The following PPP1R9A variants were observed in gnomAD, a reference collection of about 807,000 sequenced individuals.
PPP1R9A encodes the protein neurabin-1.
Under a neutral mutation model 141.9 loss-of-function variants are expected in PPP1R9A, and 59 were observed. The ratio of observed to expected loss-of-function variants is 0.42; its 90% CI spans 0.34 to 0.52. PPP1R9A has a LOEUF of 0.52. PPP1R9A is among the 20% of genes least tolerant of loss of function. The pLI is 0.10. For synonymous variants in PPP1R9A, 500 were observed against 569.7 expected, an observed-to-expected ratio of 0.88 and a Z score of 1.74; for missense variants, 1,444 against 1,611.9, an observed-to-expected ratio of 0.90 and a Z score of 1.78.
At chr7:95,019,739 A>T (rs1266050241) in intron 2 of PPP1R9A, among the ~76,000 whole-genome samples, 1 of 152,088 alleles carries the variant, frequency 6.6e-6, no homozygotes, top group East Asian at 1.9e-4. Flanking sequence ...AAGCATGTGG[A>T]ACAACTGGAA....
chr7:95,044,901 C>G (rs1809785645), intron 2 of PPP1R9A, among the ~76,000 whole-genome samples: 1 of 151,362 alleles, frequency 6.6e-6, no homozygotes, highest in Non-Finnish European at 1.5e-5. Context: ...ATAGTTTGAC[C>G]CAGTTTTTGT....
intron 5 of PPP1R9A, among the ~76,000 whole-genome samples, chr7:95,162,786 A>G (rs1182275539): frequency 6.6e-6 from 1 of 152,250 alleles, no homozygotes. Flanking sequence ...AGGCAGTAAC[A>G]TTAGGATATT....
intron 1 of PPP1R9A, 66 bp from the exon 2 acceptor site, chr7:94,909,832 G>T: frequency 4.2e-6 from 1 of 238,862 alleles, no homozygotes; most frequent in Non-Finnish European, 8.1e-6. Context: ...AAAAATGTAT[G>T]TTATTTGACT....
chr7:95,158,930 G>A (rs1830040758), intron 4 of PPP1R9A, among the ~76,000 whole-genome samples: 1 of 152,126 alleles, frequency 6.6e-6, no homozygotes. Context: ...AGTACTTAAA[G>A]GATCTGAGCA....
intron 4 of PPP1R9A, among the ~76,000 whole-genome samples, 174 bp from the exon 5 acceptor site, chr7:95,161,693 T>C (rs1337233466): frequency 6.6e-6 from 1 of 152,196 alleles, no homozygotes; most frequent in Non-Finnish European, 1.5e-5. Flanking sequence ...AATCCACAAA[T>C]GTGGAACCCA....
At chr7:95,283,750 C>A (rs1304894769) in intron 16 of PPP1R9A, among the ~76,000 whole-genome samples, 1 of 152,132 alleles carries the variant, frequency 6.6e-6, no homozygotes, top group East Asian at 1.9e-4. Flanking sequence ...GATTATAATT[C>A]ATCTACGTAC....
intron 5 of PPP1R9A, among the ~76,000 whole-genome samples, chr7:95,177,993 A>G (rs1833152050): frequency 6.6e-6 from 1 of 152,170 alleles, no homozygotes; most frequent in Admixed American, 6.5e-5. Flanking sequence ...GAAAGTCAAC[A>G]AAGAAACAAT....
chr7:95,099,421 G>A (rs1207592182), intron 2 of PPP1R9A, among the ~76,000 whole-genome samples: 1 of 152,160 alleles, frequency 6.6e-6, no homozygotes, highest in Admixed American at 6.6e-5. Flanking sequence ...TGGCTGAACT[G>A]AAAGAGAACA....
chr7:94,940,824 CT>C (rs1380391126), intron 2 of PPP1R9A, among the ~76,000 whole-genome samples: 1 of 151,890 alleles, frequency 6.6e-6, no homozygotes, highest in African/African-American at 2.4e-5. Flanking sequence ...TAGGAAAAAT[CT>C]TTTGTAAATT....
At chr7:94,934,082 T>A (rs1212933863) in intron 2 of PPP1R9A, among the ~76,000 whole-genome samples, 8 of 152,190 alleles carry the variant, frequency 5.3e-5, no homozygotes, top group Non-Finnish European at 1.2e-4. Flanking sequence ...TAGTTCATAT[T>A]TAACAGATGA....
chr7:94,965,575 G>C (rs1300252374), intron 2 of PPP1R9A, among the ~76,000 whole-genome samples: 2 of 152,088 alleles, frequency 1.3e-5, no homozygotes, highest in Non-Finnish European at 2.9e-5. Flanking sequence ...ATTAAATAGG[G>C]AATCCATTAC....
chr7:95,045,553 C>T (rs988957523), intron 2 of PPP1R9A, among the ~76,000 whole-genome samples: 5 of 152,212 alleles, frequency 3.3e-5, no homozygotes, highest in African/African-American at 9.6e-5. Flanking sequence ...GCCATTTTGT[C>T]TCTTAATGCA....
chr7:95,284,304 TC>T lies in PPP1R9A; in HGVS notation c.3584del (p.Ser1195LeufsTer2), dbSNP rs776438816. 189 of 1,532,264 alleles carry T rather than the reference TC, an allele frequency of 1.2e-4. 4 individuals carry two copies. The South Asian group carries it at 1.7e-3, about 13-fold the overall frequency. The allele number at this position is 1,532,264 out of a possible 1,614,324, so 94.9% of individuals were successfully genotyped here. On this transcript the variant is annotated frameshift_variant, in exon 17 of 20. Coordinates refer to ENST00000433360, the MANE Select transcript of PPP1R9A (RefSeq NM_001166160.2). LOFTEE classifies it high-confidence loss of function. ...SIFGRHSQLM[S>X]VVWIQETNNF... ...CTTTGGAAGGCATTCTCAACTTATG[TC>T]TGTAGTCTGGATCCAAGAAACCAAT...
At chr7:94,976,012 A>G (rs1022340492) in intron 2 of PPP1R9A, among the ~76,000 whole-genome samples, 3 of 152,052 alleles carry the variant, frequency 2.0e-5, no homozygotes, top group African/African-American at 7.2e-5. Context: ...TTATGTCTCT[A>G]TATCAGGGAT....
intron 4 of PPP1R9A, among the ~76,000 whole-genome samples, chr7:95,137,748 A>G (rs894095172): frequency 6.6e-6 from 1 of 152,168 alleles, no homozygotes; most frequent in Non-Finnish European, 1.5e-5. Context: ...TGGAAATGCA[A>G]AGGACCAAGA....
At chr7:95,202,030 A>G (rs1403482834) in intron 6 of PPP1R9A, among the ~76,000 whole-genome samples, 1 of 152,214 alleles carries the variant, frequency 6.6e-6, no homozygotes, top group African/African-American at 2.4e-5. Context: ...GCTTGCTTGC[A>G]TTCACTACAT....
intron 2 of PPP1R9A, among the ~76,000 whole-genome samples, chr7:95,049,295 AT>A (rs1218020613): frequency 6.6e-6 from 1 of 152,170 alleles, no homozygotes; most frequent in Non-Finnish European, 1.5e-5. Context: ...AGAAAGGTCA[AT>A]TTTTACCTCC....
chr7:95,220,467 A>G (rs1206819656), intron 7 of PPP1R9A, among the ~76,000 whole-genome samples: 3 of 152,106 alleles, frequency 2.0e-5, no homozygotes, highest in Non-Finnish European at 4.4e-5. Context: ...GTTGAACCTA[A>G]CAACAAGAGA....
At chr7:94,936,164 C>T (rs1351047638) in intron 2 of PPP1R9A, among the ~76,000 whole-genome samples, 1 of 152,078 alleles carries the variant, frequency 6.6e-6, no homozygotes, top group Non-Finnish European at 1.5e-5. Context: ...AGTGTGGATA[C>T]TTTTAGACTT....
Sources: gnomAD v4.1 joint callset for allele counts (sites outside exome capture counted in the v4.1 genomes callset) on GRCh38, gnomAD v4.1.1 for gene constraint, MANE v1.5 for transcripts, NCBI Gene and HGNC (gene_info 2026-07-23, HGNC 2026-07-21) for gene names.